Variants in PRKAR2A observed in about 807,000 individuals in gnomAD.
The protein encoded by PRKAR2A is protein kinase cAMP-dependent type II regulatory subunit alpha.
In PRKAR2A, 29 loss-of-function variants were observed where a neutral mutation model predicts 51.9. The observed-to-expected ratio is 0.56, with a 90% confidence interval of 0.42 to 0.76. The LOEUF is 0.76. Ranked by LOEUF, PRKAR2A falls within the 30% of genes least tolerant of loss-of-function variation. PRKAR2A has a pLI of 0.00. For synonymous variants in PRKAR2A, 178 were observed against 186.2 expected (o/e 0.96, Z 0.36); for missense variants, 445 against 512.1 (o/e 0.87, Z 1.26).
intron 6 of PRKAR2A, among the ~76,000 whole-genome samples, chr3:48,766,161 G>A (rs1292563151): frequency 6.6e-6 from 1 of 152,038 alleles, no homozygotes; most frequent in Non-Finnish European, 1.5e-5. Context: ...AAGCTGCAGT[G>A]AGTTGTGATT....
chr3:48,752,371 T>C, intron 9 of PRKAR2A, 54 bp from the exon 10 acceptor site: 1 of 1,578,154 alleles, frequency 6.3e-7, no homozygotes, highest in Non-Finnish European at 8.6e-7. Flanking sequence ...CAGCTGGGCA[T>C]GTCCAGTTGC....
At chr3:48,771,549 A>G (rs1575855489) in intron 6 of PRKAR2A, among the ~76,000 whole-genome samples, 1 of 152,282 alleles carries the variant, frequency 6.6e-6, no homozygotes, top group South Asian at 2.1e-4. Flanking sequence ...GTAGTTAGAG[A>G]ACACATTCTG....
chr3:48,803,911 C>A (rs2082628968), intron 2 of PRKAR2A, among the ~76,000 whole-genome samples: 1 of 152,028 alleles, frequency 6.6e-6, no homozygotes, highest in Admixed American at 6.6e-5. Flanking sequence ...TTGCAGTGAG[C>A]CAAGATTGTG....
intron 6 of PRKAR2A, among the ~76,000 whole-genome samples, chr3:48,768,338 TAG>T (rs1334757020): frequency 1.3e-5 from 2 of 150,662 alleles, no homozygotes; most frequent in Admixed American, 6.7e-5. Flanking sequence ...GATAGATAGA[TAG>T]ATATAGACAG....
intron 1 of PRKAR2A, among the ~76,000 whole-genome samples, chr3:48,823,950 G>A (rs542867440): frequency 2.3e-4 from 35 of 152,298 alleles, no homozygotes; most frequent in Non-Finnish European, 4.0e-4. Flanking sequence ...GCCAGGGCCG[G>A]GTATGGTGGC....
intron 1 of PRKAR2A, among the ~76,000 whole-genome samples, chr3:48,828,846 T>G (rs894436017): frequency 6.6e-6 from 1 of 151,992 alleles, no homozygotes; most frequent in African/African-American, 2.4e-5. Context: ...TGTTTTTTGT[T>G]TGTTTGAGAC....
chr3:48,769,209 G>A (rs1251614239), intron 6 of PRKAR2A, among the ~76,000 whole-genome samples: 1 of 148,244 alleles, frequency 6.7e-6, no homozygotes, highest in Non-Finnish European at 1.5e-5. Flanking sequence ...CCAGGCTGGA[G>A]TGCAGTGGCA....
chr3:48,787,487 A>C (rs1460875705), intron 4 of PRKAR2A, among the ~76,000 whole-genome samples: 1 of 152,134 alleles, frequency 6.6e-6, no homozygotes, highest in Admixed American at 6.6e-5. Context: ...TGCCCGTCCA[A>C]GTTATAACTT....
At chr3:48,774,291 T>C (rs937702436) in intron 5 of PRKAR2A, among the ~76,000 whole-genome samples, 11 of 152,160 alleles carry the variant, frequency 7.2e-5, no homozygotes, top group Non-Finnish European at 1.3e-4. Flanking sequence ...TATCATTTCA[T>C]GTCCTCTCTT....
At chr3:48,823,882 T>A (rs563586890) in intron 1 of PRKAR2A, among the ~76,000 whole-genome samples, 4 of 151,224 alleles carry the variant, frequency 2.6e-5, no homozygotes, top group African/African-American at 9.7e-5. Context: ...AGGAGGAAAT[T>A]TGAAGAGGTT....
rs777586837 is a variant in PRKAR2A at position 48,752,255 on chromosome 3, C to T, written c.1002G>A (p.Gln334=). Residue 334 remains glutamine, a synonymous_variant, in exon 10 of 11, where the codon CAG becomes CAA. Transcript: ENST00000265563. ...TGACCAGGGCAAGCTCTCCAAAGTA[C>T]TGCCCCTTATGGCAGCGGGCAATCT... is the stretch of plus-strand genomic sequence containing the variant. ...EVEIARCHKG[Q]YFGELALVTN... 6 of 1,614,204 alleles carry T rather than the reference C, an allele frequency of 3.7e-6. No homozygotes were observed. Among genetic ancestry groups the T allele is most frequent in the Non-Finnish European group, 5.1e-6 (6 of 1,180,006 alleles).
downstream of PRKAR2A, among the ~76,000 whole-genome samples, chr3:48,746,353 T>TAAAAAAA (rs34195938): frequency 1.5e-5 from 1 of 68,272 alleles, no homozygotes; most frequent in South Asian, 5.6e-4. Flanking sequence ...ATCCTGTCAC[T>TAAAAAAA]AAAAAAAAAA....
At chr3:48,776,325 G>A (rs952364547) in intron 5 of PRKAR2A, among the ~76,000 whole-genome samples, 7 of 152,050 alleles carry the variant, frequency 4.6e-5, no homozygotes, top group Admixed American at 1.3e-4. Context: ...TCCATTTCTA[G>A]TCATTCCAAA....
At chr3:48,767,205 G>A (rs895959719) in intron 6 of PRKAR2A, among the ~76,000 whole-genome samples, 6 of 152,212 alleles carry the variant, frequency 3.9e-5, no homozygotes, top group Admixed American at 6.5e-5. Context: ...TGGGCTGGGC[G>A]CAGTGGCTCA....
intron 5 of PRKAR2A, among the ~76,000 whole-genome samples, chr3:48,780,514 A>G (rs1032078450): frequency 1.3e-5 from 2 of 151,364 alleles, no homozygotes; most frequent in African/African-American, 4.9e-5. Flanking sequence ...GAGGCAGGAG[A>G]ATGGTGTGAA....
chr3:48,832,015 C>T (rs1015185713), intron 1 of PRKAR2A, among the ~76,000 whole-genome samples: 1 of 151,822 alleles, frequency 6.6e-6, no homozygotes, highest in Non-Finnish European at 1.5e-5. Context: ...CAAATTAGGC[C>T]GGGTGGGGCG....
chr3:48,802,121 C>A (rs1294182103), intron 2 of PRKAR2A, among the ~76,000 whole-genome samples: 1 of 152,160 alleles, frequency 6.6e-6, no homozygotes, highest in Non-Finnish European at 1.5e-5. Context: ...GTTGGCCAGG[C>A]TAGTCTCAAA....
intron 8 of PRKAR2A, among the ~76,000 whole-genome samples, chr3:48,760,442 G>A (rs1294066159): frequency 6.6e-6 from 1 of 152,006 alleles, no homozygotes; most frequent in Admixed American, 6.6e-5. Context: ...CTTGGGAGGT[G>A]AGGTGGGAGG....
At chr3:48,772,585 T>C (rs2082044672) in intron 6 of PRKAR2A, among the ~76,000 whole-genome samples, 1 of 152,156 alleles carries the variant, frequency 6.6e-6, no homozygotes, top group South Asian at 2.1e-4. Context: ...TGACCTATCC[T>C]TAAGTCACTG....
Sources: allele counts gnomAD v4.1 joint callset (sites outside exome capture counted in the v4.1 genomes callset), GRCh38; gene constraint gnomAD v4.1.1; transcripts MANE v1.5; gene names NCBI Gene and HGNC (gene_info 2026-07-23, HGNC 2026-07-21).